The following PLPP1 variants were observed in gnomAD, a reference collection of about 807,000 sequenced individuals.
The protein encoded by PLPP1 is phospholipid phosphatase 1.
PLPP1 carries 24 observed loss-of-function variants against 31.2 expected under a neutral mutation model. The observed-to-expected ratio is 0.77, with a 90% CI of 0.56 to 1.08. The LOEUF is 1.08. PLPP1 is among the 50% of genes least tolerant of loss of function. PLPP1 has a pLI of 0.00. For missense variants in PLPP1, 319 were observed against 342.7 expected, an observed-to-expected ratio of 0.93 and a Z score of 0.55; for synonymous variants, 146 against 126.3, an observed-to-expected ratio of 1.16 and a Z score of -1.05.
chr5:55,484,119 C>T (rs892133060), intron 1 of PLPP1, among the ~76,000 whole-genome samples: 18 of 152,272 alleles, frequency 1.2e-4, no homozygotes, highest in Admixed American at 7.8e-4. Context: ...AAGGACAGGA[C>T]ATGCCCAGTC....
intron 1 of PLPP1, among the ~76,000 whole-genome samples, chr5:55,488,683 C>CA (rs1752824793): frequency 1.3e-5 from 2 of 151,804 alleles, no homozygotes; most frequent in Admixed American, 6.6e-5. Context: ...ACAACAACAA[C>CA]AACAAAAAAA....
intron 4 of PLPP1, among the ~76,000 whole-genome samples, chr5:55,438,828 G>C (rs1366481753): frequency 2.0e-5 from 3 of 152,014 alleles, no homozygotes; most frequent in African/African-American, 7.3e-5. Context: ...GTGAACCCGG[G>C]AGGTGGAGCT....
chr5:55,460,075 C>G (rs950792453), intron 3 of PLPP1, among the ~76,000 whole-genome samples: 5 of 152,126 alleles, frequency 3.3e-5, no homozygotes, highest in African/African-American at 7.2e-5. Flanking sequence ...TTCCAGTCGA[C>G]AGTAGGCTAT....
At position 55,428,020 on chromosome 5, in the gene PLPP1, C is replaced by A. The variant is rs374836100; in HGVS notation, c.550-1981G>T. 3.3e-4 allele frequency among the ~76,000 whole-genome samples: 51 copies of A among 152,278 alleles called. 1 individual carries two copies. In the South Asian group the frequency reaches 0.01, roughly 30 times the overall value. ...CAGGCTGGTCTCAAACTCCTGACCT[C>A]AGGTGATCCACCCACCTCAGCCTCC... On this transcript the variant is annotated intron_variant, in intron 4 of 5. Coordinates refer to ENST00000307259, the MANE Select transcript of PLPP1 (RefSeq NM_003711.4).
In PLPP1 at chr5:55,475,320, G is replaced by T; in HGVS notation, c.189C>A (p.Ile63=). The change falls in exon 2 of 6, where the codon ATC becomes ATA. Residue 63 remains isoleucine (I), a synonymous_variant. Transcript: ENST00000307259. ...TTACAACGATAATACTGAATGGAAT[G>T]ATTATTCCACCTAATAACGCATAAG... ...TIPYALLGGI[I]IPFSIIVIIL... 3 of 1,611,614 alleles carry T rather than the reference G, an allele frequency of 1.9e-6. No homozygotes were observed. The highest frequency in any genetic ancestry group is 2.2e-5 in the South Asian group (2 of 90,414).
chr5:55,439,082 A>C (rs1181634487), intron 4 of PLPP1, among the ~76,000 whole-genome samples: 1 of 152,168 alleles, frequency 6.6e-6, no homozygotes, highest in East Asian at 1.9e-4. Flanking sequence ...GTCTACAACA[A>C]ATCTATTTAT....
At position 55,439,459 on chromosome 5, in the gene PLPP1, C is replaced by T. The variant is rs549082115; in HGVS notation, c.549+2392G>A. On this transcript the variant is annotated intron_variant, in intron 4 of 5. Coordinates refer to ENST00000307259, the MANE Select transcript of PLPP1 (RefSeq NM_003711.4). ...AAGCAGTGGAGTCATTCTGAATCTG[C>T]AGTGACTCTGAGGGCTGCCCAATTT... Among the ~76,000 whole-genome samples, 17 of 152,318 alleles carry T rather than the reference C, an allele frequency of 1.1e-4. 1 individual carries two copies. In the South Asian group the frequency reaches 3.5e-3, roughly 32 times the overall value.
In PLPP1 at chr5:55,433,144, C is replaced by CA. The variant is rs57495015; in HGVS notation, c.550-7106dup. Among the ~76,000 whole-genome samples the CA allele has an allele frequency of 2.4e-3, 300 of 125,300 alleles. 2 individuals are homozygous for CA. The highest frequency in any genetic ancestry group is 6.7e-3 in the African/African-American group (218 of 32,532). The allele number at this position is 125,300 out of a possible 152,430, so 82.2% of individuals were successfully genotyped here. Reference sequence around the variant, plus strand: ...GCAACATGGCGACACCCCATCTCTACAAAAAAAAAAAAAAAAAAAATACAA... The same window carrying CA: ...GCAACATGGCGACACCCCATCTCTACAAAAAAAAAAAAAAAAAAAAATACAA... On this transcript the variant is annotated intron_variant, in intron 4 of 5. Coordinates refer to ENST00000307259, the MANE Select transcript of PLPP1 (RefSeq NM_003711.4).
At chr5:55,526,312 G>T (rs1447158517) in intron 1 of PLPP1, among the ~76,000 whole-genome samples, 10 of 152,034 alleles carry the variant, frequency 6.6e-5, no homozygotes, top group Non-Finnish European at 2.9e-5. Flanking sequence ...ATCTATAAGG[G>T]GAACGTTTTC....
chr5:55,425,177 C>T lies in PLPP1; in HGVS notation c.*29G>A, dbSNP rs1367688383. The T allele has an allele frequency of 6.3e-7, 1 of 1,596,504 alleles. No homozygotes were observed. The highest frequency in any genetic ancestry group is 8.5e-7 in the Non-Finnish European group (1 of 1,175,050). On this transcript the variant is annotated 3_prime_UTR_variant, in exon 6 of 6. Coordinates refer to ENST00000307259, the MANE Select transcript of PLPP1 (RefSeq NM_003711.4). The stretch of plus-strand genomic sequence containing the variant: ...CAATCATTTTCCTTTAGAAAACAGG[C>T]CAGCTTCACCTGGGCACCCTGCTGC...
At chr5:55,484,252 C>T (rs1177097651) in intron 1 of PLPP1, among the ~76,000 whole-genome samples, 1 of 152,132 alleles carries the variant, frequency 6.6e-6, no homozygotes, top group Non-Finnish European at 1.5e-5. Context: ...AATCTCCTAC[C>T]TTTGATGTCT....
chr5:55,477,638 C>G (rs1463906303), intron 1 of PLPP1, among the ~76,000 whole-genome samples: 1 of 151,958 alleles, frequency 6.6e-6, no homozygotes, highest in Non-Finnish European at 1.5e-5. Flanking sequence ...AGTAATCCAC[C>G]CAGCTCAGCC....
At chr5:55,479,977 C>T (rs1002826335) in intron 1 of PLPP1, among the ~76,000 whole-genome samples, 5 of 152,102 alleles carry the variant, frequency 3.3e-5, no homozygotes, top group Non-Finnish European at 7.3e-5. Flanking sequence ...ACATTAAATC[C>T]TTGATAAACT....
At chr5:55,530,876 C>A (rs947838191) in intron 1 of PLPP1, among the ~76,000 whole-genome samples, 3 of 152,158 alleles carry the variant, frequency 2.0e-5, no homozygotes, top group Admixed American at 1.3e-4. Context: ...TCAGCCATGG[C>A]GGGGGATGGG....
intron 4 of PLPP1, among the ~76,000 whole-genome samples, chr5:55,426,343 C>T (rs1255132611): frequency 6.6e-6 from 1 of 152,182 alleles, no homozygotes; most frequent in Non-Finnish European, 1.5e-5. Context: ...GACAGTTCCT[C>T]CCCTTGCAAT....
At chr5:55,472,705 AAAGAGAAAGAGAGAGAG>A (rs1752443893) in intron 2 of PLPP1, among the ~76,000 whole-genome samples, 1 of 151,902 alleles carries the variant, frequency 6.6e-6, no homozygotes, top group African/African-American at 2.4e-5. Context: ...AGAGAGAGAA[AAAGAGAAAGAGAGAGAG>A]AAGAGGAAGA....
intron 3 of PLPP1, among the ~76,000 whole-genome samples, chr5:55,447,254 C>CA (rs1039849294): frequency 1.3e-5 from 2 of 152,136 alleles, no homozygotes; most frequent in African/African-American, 4.8e-5. Context: ...TACTAACAGA[C>CA]AAAATAGTTT....
chr5:55,461,826 A>G (rs1346571102), intron 3 of PLPP1, among the ~76,000 whole-genome samples: 2 of 152,170 alleles, frequency 1.3e-5, no homozygotes, highest in African/African-American at 4.8e-5. Context: ...AAAAACCTTC[A>G]GGAATCTATA....
chr5:55,475,440 A>C lies in PLPP1; in HGVS notation c.69T>G (p.Pro23=), dbSNP rs1752515973. Residue 23 remains proline (P), a synonymous_variant, in exon 2 of 6, where the codon CCT becomes CCG. Coordinates refer to ENST00000307259, the MANE Select transcript of PLPP1 (RefSeq NM_003711.4). ...DVLCVLLAGL[P]FAILTSRHTP... ...TATGCCTTGAAGTAAGAATTGCAAAAGGCAATCCAGCTAGCAAAAGGGAAT... is the reference window on the plus strand; with the variant it reads ...TATGCCTTGAAGTAAGAATTGCAAACGGCAATCCAGCTAGCAAAAGGGAAT... 13 of 1,596,554 alleles carry C rather than the reference A, an allele frequency of 8.1e-6. No homozygotes were observed. In the Middle Eastern group the frequency reaches 1.7e-3, roughly 205 times the overall value.
Sources: gnomAD v4.1 joint callset for allele counts (sites outside exome capture counted in the v4.1 genomes callset) on GRCh38, gnomAD v4.1.1 for gene constraint, MANE v1.5 for transcripts, NCBI Gene and HGNC (gene_info 2026-07-23, HGNC 2026-07-21) for gene names.